Variants in MED13L observed in about 807,000 individuals in gnomAD.
MED13L encodes mediator of RNA polymerase II transcription subunit 13-like.
Under a neutral mutation model 220.9 loss-of-function variants are expected in MED13L, and 7 were observed. That is an observed-to-expected ratio of 0.03 (90% confidence interval 0.02 to 0.06). The LOEUF is 0.06. Ranked by LOEUF, MED13L falls within the 10% of genes least tolerant of loss-of-function variation. The pLI is 1.00. For synonymous variants in MED13L, 1,011 were observed against 1,015.2 expected (o/e 1.00, Z 0.08); for missense variants, 1,965 against 2,760.5 (o/e 0.71, Z 6.46).
At chr12:116,223,435 C>A (rs941206509) in intron 2 of MED13L, among the ~76,000 whole-genome samples, 1 of 152,070 alleles carries the variant, frequency 6.6e-6, no homozygotes, top group Admixed American at 6.6e-5. Flanking sequence ...AGGCCCAGTG[C>A]GATGGATCAC....
chr12:116,171,535 T>C lies in MED13L; in HGVS notation c.311-60023A>G, dbSNP rs559854871. ...CAAATCCAGTTGCTTTAACCATTCC[T>C]CATTTACAGAATCCTCTGATTTAGC... On this transcript the variant is annotated intron_variant, in intron 2 of 30. Coordinates refer to ENST00000281928, the MANE Select transcript of MED13L (RefSeq NM_015335.5). Among the ~76,000 whole-genome samples the C allele has an allele frequency of 6.6e-5, 10 of 152,338 alleles. 1 individual carries two copies. In the South Asian group the frequency reaches 2.1e-3, roughly 32 times the overall value.
chr12:116,110,670 C>T (rs566050069), intron 3 of MED13L, among the ~76,000 whole-genome samples: 40 of 151,446 alleles, frequency 2.6e-4, no homozygotes, highest in East Asian at 9.7e-4. Context: ...TAGTTTATAG[C>T]GGAGAAACTT....
chr12:116,241,339 AAAAC>A (rs899126290), intron 1 of MED13L, among the ~76,000 whole-genome samples: 11 of 150,702 alleles, frequency 7.3e-5, no homozygotes, highest in East Asian at 6.0e-4. Flanking sequence ...AAACAAAAAA[AAAAC>A]ACACACACAC....
At chr12:115,985,178 G>T (rs534754956) in intron 19 of MED13L, among the ~76,000 whole-genome samples, 1 of 152,296 alleles carries the variant, frequency 6.6e-6, no homozygotes, top group Non-Finnish European at 1.5e-5. Flanking sequence ...ATCTGGCAGT[G>T]CTTTTTACAT....
intron 4 of MED13L, among the ~76,000 whole-genome samples, chr12:116,062,008 GA>G (rs71095507): frequency 0.81 from 78,264 of 96,460 alleles, 31,091 homozygotes; most frequent in East Asian, 0.96. Context: ...ACTCCACATC[GA>G]AAAAAAAAAA....
At chr12:116,197,643 A>G (rs1465240112) in intron 2 of MED13L, among the ~76,000 whole-genome samples, 1 of 152,032 alleles carries the variant, frequency 6.6e-6, no homozygotes, top group Admixed American at 6.6e-5. Flanking sequence ...GCGCATGCCT[A>G]TAATTTCAGC....
At chr12:116,191,692 T>C (rs886887542) in intron 2 of MED13L, among the ~76,000 whole-genome samples, 1 of 152,110 alleles carries the variant, frequency 6.6e-6, no homozygotes, top group Non-Finnish European at 1.5e-5. Context: ...CATAGAAATA[T>C]GCGTTTTGCC....
intron 4 of MED13L, among the ~76,000 whole-genome samples, chr12:116,086,423 C>A (rs1387867085): frequency 6.6e-6 from 1 of 151,842 alleles, no homozygotes; most frequent in Non-Finnish European, 1.5e-5. Context: ...GCTGGGATTA[C>A]AGACTTGCAC....
intron 4 of MED13L, among the ~76,000 whole-genome samples, chr12:116,095,177 G>A (rs555364052): frequency 6.9e-4 from 105 of 151,954 alleles, no homozygotes; most frequent in Non-Finnish European, 1.4e-3. Flanking sequence ...ACTTAAAGAA[G>A]TAAAAATAAA....
chr12:116,063,933 A>G (rs1462747300), intron 4 of MED13L, among the ~76,000 whole-genome samples: 1 of 152,180 alleles, frequency 6.6e-6, no homozygotes, highest in Non-Finnish European at 1.5e-5. Flanking sequence ...CTATAATCCC[A>G]GCACTTTGAG....
chr12:116,013,846 G>C (rs182360461), intron 8 of MED13L, among the ~76,000 whole-genome samples: 2 of 152,124 alleles, frequency 1.3e-5, no homozygotes, highest in Admixed American at 6.6e-5. Flanking sequence ...CTGCCCTCCT[G>C]GTTGTCTCAT....
chr12:116,025,228 A>G (rs1389593984), intron 4 of MED13L, among the ~76,000 whole-genome samples: 1 of 152,226 alleles, frequency 6.6e-6, no homozygotes, highest in African/African-American at 2.4e-5. Context: ...GATAACAGAT[A>G]ACAAGTGTTG....
chr12:116,145,955 T>G (rs74238461), intron 2 of MED13L, among the ~76,000 whole-genome samples: 5,609 of 152,200 alleles, frequency 0.037, 161 homozygotes, highest in South Asian at 0.14. Context: ...AATTCTTTTC[T>G]ATTTGTGACC....
intron 4 of MED13L, among the ~76,000 whole-genome samples, chr12:116,043,677 G>GT (rs1436513163): frequency 6.6e-6 from 1 of 152,170 alleles, no homozygotes; most frequent in African/African-American, 2.4e-5. Context: ...GTGCATGCAT[G>GT]TATCTATTTA....
intron 2 of MED13L, among the ~76,000 whole-genome samples, chr12:116,129,449 A>AT (rs1260490722): frequency 1.3e-5 from 2 of 152,100 alleles, no homozygotes; most frequent in Non-Finnish European, 2.9e-5. Flanking sequence ...TGTCCTGTTT[A>AT]TTTTTTCTCT....
chr12:116,034,793 G>A (rs1243909879), intron 4 of MED13L, among the ~76,000 whole-genome samples: 5 of 152,106 alleles, frequency 3.3e-5, no homozygotes, highest in Admixed American at 2.6e-4. Context: ...ATCACCTGAG[G>A]TTGGGAGTTC....
chr12:115,987,622 CAA>C (rs1345137759), intron 17 of MED13L, among the ~76,000 whole-genome samples: 1 of 151,996 alleles, frequency 6.6e-6, no homozygotes, highest in East Asian at 1.9e-4. Flanking sequence ...AAGACAGCTG[CAA>C]AAGTTTCTTA....
chr12:116,107,817 C>T (rs1022632736), intron 3 of MED13L, among the ~76,000 whole-genome samples: 1 of 152,188 alleles, frequency 6.6e-6, no homozygotes, highest in Non-Finnish European at 1.5e-5. Flanking sequence ...TTGGGCCGGG[C>T]GCCGTGGCTC....
intron 4 of MED13L, among the ~76,000 whole-genome samples, chr12:116,053,679 C>T (rs1026186288): frequency 6.6e-6 from 1 of 152,130 alleles, no homozygotes; most frequent in Non-Finnish European, 1.5e-5. Context: ...GGTCATATAA[C>T]TTGGAAGGGG....
Sources: gnomAD v4.1 joint callset for allele counts (sites outside exome capture counted in the v4.1 genomes callset) on GRCh38, gnomAD v4.1.1 for gene constraint, MANE v1.5 for transcripts, NCBI Gene and HGNC (gene_info 2026-07-23, HGNC 2026-07-21) for gene names.